HTRA3: variants seen among roughly 807,000 people sequenced by gnomAD.
HTRA3 encodes the protein serine protease HTRA3.
In HTRA3, 41 loss-of-function variants were observed where a neutral mutation model predicts 43.2. The ratio of observed to expected loss-of-function variants is 0.95; its 90% CI spans 0.74 to 1.23. The LOEUF is 1.23. HTRA3 is among the 50% of genes most tolerant of loss of function. The probability of loss-of-function intolerance (pLI) is 0.00; values close to 1 mark genes in which losing one functional copy is unlikely to be tolerated. For synonymous variants in HTRA3, 295 were observed against 287.9 expected, an observed-to-expected ratio of 1.02 and a Z score of -0.25; for missense variants, 628 against 647.1, an observed-to-expected ratio of 0.97 and a Z score of 0.32.
chr4:8,285,569 A>T (rs1257056655), intron 2 of HTRA3, among the ~76,000 whole-genome samples: 3 of 152,168 alleles, frequency 2.0e-5, no homozygotes, highest in Admixed American at 2.0e-4. Context: ...GGGAGTGAGT[A>T]CCTGCTCTGG....
rs745365578 is a variant in HTRA3 at position 8,297,774 on chromosome 4, G to A, written c.1051+3573G>A. The stretch of plus-strand genomic sequence containing the variant: ...GAAGCCACCTAGAGAGTGATCCCCC[G>A]GATTTACGCCTCCAGCCTGGCCCCT... On this transcript the variant is annotated intron_variant, in intron 6 of 8. Transcript: ENST00000307358. The surrounding 1 kb of genome is among the most constrained non-coding windows in gnomAD (Gnocchi z 5.8). 3.9e-5 allele frequency among the ~76,000 whole-genome samples: 6 copies of A among 152,024 alleles called. No individual in the cohort carries two copies. The highest frequency in any genetic ancestry group is 4.8e-5 in the African/African-American group (2 of 41,374).
intron 5 of HTRA3, 50 bp downstream of exon 5, chr4:8,292,403 A>T (rs1560140375): frequency 1.3e-6 from 2 of 1,508,960 alleles, no homozygotes. Flanking sequence ...GGTTCTTCTC[A>T]CATGGGGGTG....
chr4:8,278,389 GGA>G (rs1491385249), intron 1 of HTRA3, among the ~76,000 whole-genome samples: 1 of 118,054 alleles, frequency 8.5e-6, no homozygotes, highest in Non-Finnish European at 1.9e-5. Flanking sequence ...AGTTTATTGA[GGA>G]AAAAAAAAAA....
At chr4:8,276,903 C>A (rs1028174843) in intron 1 of HTRA3, among the ~76,000 whole-genome samples, 1 of 152,232 alleles carries the variant, frequency 6.6e-6, no homozygotes, top group African/African-American at 2.4e-5. Context: ...TGTTTCCTTG[C>A]CTGTAAAATG....
At chr4:8,276,442 G>A (rs945164086) in intron 1 of HTRA3, among the ~76,000 whole-genome samples, 11 of 152,250 alleles carry the variant, frequency 7.2e-5, no homozygotes, top group East Asian at 3.8e-4. Flanking sequence ...GAGAGGGGTC[G>A]AGGAAGGGGA....
intron 1 of HTRA3, among the ~76,000 whole-genome samples, chr4:8,272,045 C>A (rs1054209328): frequency 6.6e-6 from 1 of 152,160 alleles, no homozygotes; most frequent in Admixed American, 6.5e-5. Flanking sequence ...GCTGGGGTAC[C>A]TTTCCTGGGC....
intron 1 of HTRA3, among the ~76,000 whole-genome samples, chr4:8,275,578 T>A (rs1199703327): frequency 6.6e-6 from 1 of 151,940 alleles, no homozygotes; most frequent in African/African-American, 2.4e-5. Context: ...GATGGGGGCG[T>A]CTAGTTGTGG....
intron 1 of HTRA3, among the ~76,000 whole-genome samples, chr4:8,272,114 G>A (rs950909116): frequency 3.9e-5 from 6 of 152,176 alleles, no homozygotes; most frequent in Non-Finnish European, 8.8e-5. Context: ...GCTCCCCACC[G>A]TGGAAGGCAC....
chr4:8,270,688 G>A (rs1428046898), intron 1 of HTRA3, among the ~76,000 whole-genome samples: 1 of 152,116 alleles, frequency 6.6e-6, no homozygotes, highest in Non-Finnish European at 1.5e-5. Flanking sequence ...TGCTCTGTCC[G>A]GGTATTGAGT....
intron 3 of HTRA3, among the ~76,000 whole-genome samples, chr4:8,288,313 G>T (rs9985994): frequency 0.047 from 7,092 of 152,244 alleles, 578 homozygotes; most frequent in African/African-American, 0.16. Flanking sequence ...TGCCCTTGTT[G>T]CCCAGGCTGG....
chr4:8,284,470 T>A (rs1221408373), intron 2 of HTRA3, among the ~76,000 whole-genome samples: 2 of 152,150 alleles, frequency 1.3e-5, no homozygotes, highest in African/African-American at 4.8e-5. Context: ...CCAGCAAAGA[T>A]GAGACAGATG....
intron 7 of HTRA3, among the ~76,000 whole-genome samples, chr4:8,302,760 C>T (rs1713705831): frequency 6.6e-6 from 1 of 152,246 alleles, no homozygotes; most frequent in African/African-American, 2.4e-5. Flanking sequence ...TTACTATAAG[C>T]CTGGTGGCTT....
At chr4:8,294,400 C>T (rs527431905) in intron 6 of HTRA3, among the ~76,000 whole-genome samples, 199 bp downstream of exon 6, 7 of 151,926 alleles carry the variant, frequency 4.6e-5, no homozygotes, top group Middle Eastern at 3.4e-3. Flanking sequence ...CAGGATCTTC[C>T]CCCTGCCTAT....
chr4:8,283,702 G>A (rs900263935), intron 2 of HTRA3, among the ~76,000 whole-genome samples: 6 of 152,210 alleles, frequency 3.9e-5, no homozygotes, highest in South Asian at 2.1e-4. Context: ...GGGTCCAGGC[G>A]GACACGGAGC....
rs764917565 is a variant in HTRA3, at chr4:8,289,332, G to A, written c.709-2038G>A. Among the ~76,000 whole-genome samples the A allele has an allele frequency of 1.8e-4, 27 of 152,240 alleles. 1 individual carries two copies. Among genetic ancestry groups the A allele is most frequent in the Middle Eastern group, 6.3e-3 (2 of 316 alleles). On this transcript the variant is annotated intron_variant, in intron 3 of 8. Coordinates refer to ENST00000307358, the MANE Select transcript of HTRA3 (RefSeq NM_053044.5). Reference sequence around the variant, plus strand: ...TCTGTCACAACCACGCATCTCTGCTGTGGCAAAAATGCAGCCTTAGGCTGC... The same window carrying A: ...TCTGTCACAACCACGCATCTCTGCTATGGCAAAAATGCAGCCTTAGGCTGC...
rs1330189056 is a variant in HTRA3, at chr4:8,297,819, C to T, written c.1051+3618C>T. 5.9e-5 allele frequency among the ~76,000 whole-genome samples: 9 copies of T among 152,228 alleles called. No homozygotes were observed. The highest frequency in any genetic ancestry group is 3.9e-4 in the East Asian group (2 of 5,170). ...GCCCCTCCTGCTCCAGGCTCAGACG[C>T]GCAGCTGCTTGTGGGATGGACCCAC... On this transcript the variant is annotated intron_variant, in intron 6 of 8. Coordinates refer to ENST00000307358, the MANE Select transcript of HTRA3 (RefSeq NM_053044.5). The surrounding 1 kb of genome is among the most constrained non-coding windows in gnomAD (Gnocchi z 5.8).
At chr4:8,288,729 C>G (rs1028459539) in intron 3 of HTRA3, among the ~76,000 whole-genome samples, 1 of 151,644 alleles carries the variant, frequency 6.6e-6, no homozygotes, top group Admixed American at 6.6e-5. Context: ...CATGCCACCA[C>G]CCTCAGCTAA....
rs114204252 is a variant in HTRA3 at position 8,293,330 on chromosome 4, G to A, written c.937-757G>A. 3.0e-3 allele frequency among the ~76,000 whole-genome samples: 463 copies of A among 152,306 alleles called. 2 individuals carry two copies. Among genetic ancestry groups the A allele is most frequent in the South Asian group, 0.017 (83 of 4,832 alleles). Reference sequence around the variant, plus strand: ...GCAGTAGAGATGGGCACAGAGGGCCGAGGGTGGACACAGAACTCAATCTAC... The same window carrying A: ...GCAGTAGAGATGGGCACAGAGGGCCAAGGGTGGACACAGAACTCAATCTAC... On this transcript the variant is annotated intron_variant, in intron 5 of 8. Transcript: ENST00000307358.
intron 6 of HTRA3, among the ~76,000 whole-genome samples, chr4:8,294,889 C>A (rs1713402099): frequency 6.7e-6 from 1 of 149,672 alleles, no homozygotes; most frequent in Non-Finnish European, 1.5e-5. Context: ...TCCACCCAAC[C>A]ACTCATTTAT....
Sources: allele counts gnomAD v4.1 joint callset (sites outside exome capture counted in the v4.1 genomes callset), GRCh38; gene constraint gnomAD v4.1.1; non-coding constraint Gnocchi (gnomAD v3.1); transcripts MANE v1.5; gene names NCBI Gene and HGNC (gene_info 2026-07-23, HGNC 2026-07-21).